HMGCLL1: variants seen among roughly 807,000 people sequenced by gnomAD.
HMGCLL1 encodes 3-hydroxy-3-methylglutaryl-CoA lyase like 1, also known as 3-hydroxymethyl-3-methylglutaryl-CoA lyase, cytoplasmic.
In HMGCLL1, 36 loss-of-function variants were observed where a neutral mutation model predicts 39.1. The ratio of observed to expected loss-of-function variants is 0.92; its 90% CI spans 0.71 to 1.22. The LOEUF is 1.22. Among genes scored for constraint, HMGCLL1 ranks in the 50% most tolerant of loss-of-function variants. The pLI, the probability that HMGCLL1 is intolerant of heterozygous loss-of-function variation, is 0.00. For missense variants in HMGCLL1, 451 were observed against 416.5 expected (o/e 1.08, Z -0.72); for synonymous variants, 149 against 144.0 (o/e 1.03, Z -0.25).
intron 7 of HMGCLL1, among the ~76,000 whole-genome samples, chr6:55,452,319 T>A (rs2127389673): frequency 6.6e-6 from 1 of 152,154 alleles, no homozygotes; most frequent in East Asian, 1.9e-4. Context: ...CACCCAGACT[T>A]AGAACAGACA....
chr6:55,627,106 G>C, the HMGCLL1 span, among the ~76,000 whole-genome samples: 1 of 149,604 alleles, frequency 6.7e-6, no homozygotes, highest in African/African-American at 2.5e-5. Context: ...TGAAGGCAAA[G>C]GGAATACAGA....
At chr6:55,577,126 G>A (rs768035353) in intron 1 of HMGCLL1, 5 of 1,610,876 alleles carry the variant, frequency 3.1e-6, no homozygotes, top group Non-Finnish European at 4.2e-6. Flanking sequence ...AGAAGCCAGA[G>A]ACATCGGGCT....
At chr6:55,541,870 G>A (rs369398868) in intron 2 of HMGCLL1, 34 bp from the exon 3 acceptor site, 1 of 1,232,444 alleles carries the variant, frequency 8.1e-7, no homozygotes, top group Non-Finnish European at 1.2e-6. Context: ...TAAGTAAATT[G>A]TATAGGTCCT....
intron 1 of HMGCLL1, among the ~76,000 whole-genome samples, chr6:55,566,351 C>A (rs1021711369): frequency 6.6e-6 from 1 of 152,118 alleles, no homozygotes; most frequent in Non-Finnish European, 1.5e-5. Flanking sequence ...ACCAAAAAGA[C>A]TTTATGAAAT....
chr6:55,446,037 T>C (rs1326019683), intron 7 of HMGCLL1, among the ~76,000 whole-genome samples: 1 of 151,846 alleles, frequency 6.6e-6, no homozygotes, highest in Non-Finnish European at 1.5e-5. Context: ...TCCTTTGACT[T>C]AAAAGTGTTT....
intron 3 of HMGCLL1, among the ~76,000 whole-genome samples, chr6:55,521,424 A>G (rs1211143344): frequency 6.6e-6 from 1 of 152,128 alleles, no homozygotes; most frequent in African/African-American, 2.4e-5. Flanking sequence ...GTTTTTTACA[A>G]ATTGAAGGCT....
At chr6:55,566,792 A>T (rs1308870736) in intron 1 of HMGCLL1, among the ~76,000 whole-genome samples, 1 of 152,136 alleles carries the variant, frequency 6.6e-6, no homozygotes, top group Non-Finnish European at 1.5e-5. Flanking sequence ...TTCTAAAAAC[A>T]CCACCAGGAT....
At chr6:55,484,761 C>T (rs1245113224) in intron 7 of HMGCLL1, among the ~76,000 whole-genome samples, 2 of 151,922 alleles carry the variant, frequency 1.3e-5, no homozygotes, top group Non-Finnish European at 2.9e-5. Flanking sequence ...TTATGCAAAC[C>T]ATCATTATTT....
chr6:55,595,268 T>C, the HMGCLL1 span, among the ~76,000 whole-genome samples: 71 of 152,296 alleles, frequency 4.7e-4, 1 homozygote, highest in East Asian at 0.013. Flanking sequence ...AATATATCTA[T>C]CTATAAAGCC....
At position 55,579,189 on chromosome 6, in the gene HMGCLL1, C is replaced by T; in HGVS notation, c.-134G>A. The T allele has an allele frequency of 1.5e-6, 1 of 684,378 alleles. No individual in the cohort carries two copies. Among genetic ancestry groups the T allele is most frequent in the Admixed American group, 2.6e-5 (1 of 38,942 alleles). The allele number at this position is 684,378 out of a possible 1,614,324, so 42.4% of individuals were successfully genotyped here. ...ACTGGCTGTGAGGACCAGAGCTGTT[C>T]TGCGCACTGCGGCGGCGCCGAGAGG... On this transcript the variant is annotated 5_prime_UTR_variant, in exon 1 of 9. Coordinates refer to ENST00000274901, the MANE Select transcript of HMGCLL1 (RefSeq NM_001042406.2).
intron 1 of HMGCLL1, among the ~76,000 whole-genome samples, chr6:55,544,064 T>G (rs1450228740): frequency 6.6e-6 from 1 of 152,030 alleles, no homozygotes; most frequent in East Asian, 1.9e-4. Flanking sequence ...ACCACCTAAG[T>G]GTCGCTCCCT....
At chr6:55,504,716 G>A (rs1199088804) in intron 5 of HMGCLL1, among the ~76,000 whole-genome samples, 4 of 151,434 alleles carry the variant, frequency 2.6e-5, no homozygotes, top group Non-Finnish European at 5.9e-5. Flanking sequence ...TTGAATCCCT[G>A]CATGTATAAC....
chr6:55,451,174 G>T (rs1230345668), intron 7 of HMGCLL1, among the ~76,000 whole-genome samples: 1 of 152,088 alleles, frequency 6.6e-6, no homozygotes, highest in African/African-American at 2.4e-5. Context: ...TATCTATTCA[G>T]GTGGAGGTCC....
chr6:55,597,149 C>T, the HMGCLL1 span, among the ~76,000 whole-genome samples: 6 of 152,012 alleles, frequency 3.9e-5, no homozygotes, highest in Non-Finnish European at 7.4e-5. Flanking sequence ...AATGTAAGAT[C>T]TTCCTTAGAA....
chr6:55,606,717 C>T, the HMGCLL1 span, among the ~76,000 whole-genome samples: 2 of 151,830 alleles, frequency 1.3e-5, no homozygotes, highest in African/African-American at 4.8e-5. Flanking sequence ...TGTCCAAATC[C>T]CCAAAACCTG....
the HMGCLL1 span, among the ~76,000 whole-genome samples, chr6:55,629,553 T>G: frequency 6.6e-6 from 1 of 152,148 alleles, no homozygotes; most frequent in South Asian, 2.1e-4. Flanking sequence ...AAGAGCCGAA[T>G]GTTAATCTCC....
chr6:55,463,502 T>A (rs980428576), intron 7 of HMGCLL1, among the ~76,000 whole-genome samples: 1 of 152,190 alleles, frequency 6.6e-6, no homozygotes, highest in Non-Finnish European at 1.5e-5. Context: ...AAGAGAATAT[T>A]CCAGAAAAGT....
chr6:55,579,574 C>G (rs1409505477), upstream of HMGCLL1, among the ~76,000 whole-genome samples: 2 of 152,108 alleles, frequency 1.3e-5, no homozygotes, highest in African/African-American at 4.8e-5. Context: ...TAACAATAAG[C>G]TCTATTTAAA....
chr6:55,610,875 A>T, the HMGCLL1 span, among the ~76,000 whole-genome samples: 4 of 152,300 alleles, frequency 2.6e-5, no homozygotes, highest in East Asian at 7.7e-4. Context: ...AGTGGGGACC[A>T]ATATTCAACA....
Sources: allele counts gnomAD v4.1 joint callset (sites outside exome capture counted in the v4.1 genomes callset), GRCh38; gene constraint gnomAD v4.1.1; transcripts MANE v1.5; gene names NCBI Gene and HGNC (gene_info 2026-07-23, HGNC 2026-07-21).